Variants in FGF14 observed in about 807,000 individuals in gnomAD.
FGF14 encodes the protein fibroblast growth factor 14.
Under a neutral mutation model 25.5 loss-of-function variants are expected in FGF14, and 5 were observed. The ratio of observed to expected loss-of-function variants is 0.20; its 90% CI spans 0.10 to 0.41. The LOEUF is 0.41. Ranked by LOEUF, FGF14 falls within the 10% of genes least tolerant of loss-of-function variation. The probability of loss-of-function intolerance (pLI) is 1.00; values close to 1 mark genes in which losing one functional copy is unlikely to be tolerated. For missense variants in FGF14, 222 were observed against 320.1 expected, an observed-to-expected ratio of 0.69 and a Z score of 2.34; for synonymous variants, 138 against 118.3, an observed-to-expected ratio of 1.17 and a Z score of -1.08.
intron 1 of FGF14, among the ~76,000 whole-genome samples, chr13:102,118,275 ATT>A (rs1441404989): frequency 2.6e-5 from 4 of 152,030 alleles, no homozygotes; most frequent in African/African-American, 7.2e-5. Context: ...AAATAAATAT[ATT>A]GTTATTAGGA....
intron 1 of FGF14, among the ~76,000 whole-genome samples, chr13:101,934,854 A>G (rs2034997648): frequency 6.6e-6 from 1 of 152,170 alleles, no homozygotes; most frequent in South Asian, 2.1e-4. Context: ...TCCCACTGTT[A>G]CAAAGGAAAC....
At chr13:102,140,051 C>G (rs947595238) in intron 1 of FGF14, among the ~76,000 whole-genome samples, 5 of 144,364 alleles carry the variant, frequency 3.5e-5, no homozygotes, top group Admixed American at 6.9e-5. Flanking sequence ...AGACCCCCCC[C>G]CCCCCTTACA....
chr13:102,217,966 A>C (rs1214784280), intron 1 of FGF14, among the ~76,000 whole-genome samples: 2 of 152,180 alleles, frequency 1.3e-5, no homozygotes, highest in Non-Finnish European at 2.9e-5. Flanking sequence ...AAAAATATGC[A>C]CATATATTTA....
At chr13:102,178,602 C>T (rs114233499) in intron 1 of FGF14, among the ~76,000 whole-genome samples, 114 of 152,078 alleles carry the variant, frequency 7.5e-4, no homozygotes, top group African/African-American at 2.6e-3. Flanking sequence ...CACGTGTACA[C>T]GTTATTTAGC....
At chr13:102,048,412 T>C (rs984961563) in intron 1 of FGF14, among the ~76,000 whole-genome samples, 9 of 152,188 alleles carry the variant, frequency 5.9e-5, no homozygotes, top group Admixed American at 5.9e-4. Flanking sequence ...GTAACTATCA[T>C]TTTTTGTTAC....
intron 1 of FGF14, among the ~76,000 whole-genome samples, chr13:102,085,426 T>C (rs1254019479): frequency 1.1e-4 from 17 of 152,230 alleles, no homozygotes. Flanking sequence ...TTTAGCAATT[T>C]AAATTTTTAT....
At chr13:101,870,975 A>ATAC (rs373047105) in intron 2 of FGF14, among the ~76,000 whole-genome samples, 65 of 150,490 alleles carry the variant, frequency 4.3e-4, no homozygotes, top group African/African-American at 1.5e-3. Context: ...TAAATAAATA[A>ATAC]ATACATACAT....
At chr13:102,153,957 T>C (rs934154287) in intron 1 of FGF14, among the ~76,000 whole-genome samples, 26 of 152,248 alleles carry the variant, frequency 1.7e-4, no homozygotes, top group African/African-American at 6.0e-4. Context: ...TGTTCTTCTC[T>C]CTATTGTAGC....
intron 1 of FGF14, among the ~76,000 whole-genome samples, chr13:102,383,320 T>C (rs1273786055): frequency 1.3e-5 from 2 of 152,144 alleles, no homozygotes; most frequent in Non-Finnish European, 2.9e-5. Flanking sequence ...ATTAGACAAA[T>C]ATGTTTATTT....
At chr13:101,725,944 T>C (rs1397499396) in intron 4 of FGF14, among the ~76,000 whole-genome samples, 9 of 152,044 alleles carry the variant, frequency 5.9e-5, no homozygotes, top group Non-Finnish European at 1.3e-4. Flanking sequence ...CTGATTGGAG[T>C]AAATGTGAAA....
At chr13:101,988,992 G>C (rs1458796016) in intron 1 of FGF14, among the ~76,000 whole-genome samples, 1 of 151,958 alleles carries the variant, frequency 6.6e-6, no homozygotes, top group Non-Finnish European at 1.5e-5. Context: ...TTAAGGATCT[G>C]GAGGTGTCAC....
Position 101,951,301 on chromosome 13 carries a change from G to A in FGF14, c.209-76005C>T, listed in dbSNP as rs753269206. Among the ~76,000 whole-genome samples, 69 of 152,106 alleles carry A rather than the reference G, an allele frequency of 4.5e-4. 1 individual carries two copies. The highest frequency in any genetic ancestry group is 1.6e-4 in the Non-Finnish European group (11 of 67,984). On this transcript the variant is annotated intron_variant, in intron 1 of 4. Transcript: ENST00000376131. The stretch of plus-strand genomic sequence containing the variant: ...ATGAAAGAGGTATTATTAGCAATAC[G>A]GGCACAAGTTCAGAGGTTTTACCAG...
chr13:102,030,144 AC>A (rs1433421148), intron 1 of FGF14, among the ~76,000 whole-genome samples: 1 of 152,122 alleles, frequency 6.6e-6, no homozygotes. Context: ...CCAAATTCCT[AC>A]AAACAATGAC....
rs1219646571 is a variant in FGF14, at chr13:101,875,077, A to G, written c.304+109T>C. 6.4e-6 allele frequency: 5 copies of G among 780,768 alleles called. No individual in the cohort carries two copies. The East Asian group carries it at 1.0e-4, about 16-fold the overall frequency. 48.4% of individuals were successfully genotyped at this position (780,768 alleles called of 1,614,324 possible). A position where few individuals can be genotyped will look rare whatever the true frequency, so the allele number is the denominator to read the frequency against. On this transcript the variant is annotated intron_variant, in intron 2 of 4. Coordinates refer to ENST00000376143, the MANE Select transcript of FGF14 (RefSeq NM_004115.4). ...GGCATCCTAGTGTGTAACATTTGTA[A>G]AGATGAACCAACACGACCAAACATT...
At chr13:101,762,664 T>C (rs1229747585) in intron 3 of FGF14, among the ~76,000 whole-genome samples, 1 of 152,206 alleles carries the variant, frequency 6.6e-6, no homozygotes, top group Admixed American at 6.5e-5. Context: ...AATGCTCCCT[T>C]AGTTGAATGG....
At chr13:101,999,801 G>A (rs61966478) in intron 1 of FGF14, among the ~76,000 whole-genome samples, 4,034 of 152,122 alleles carry the variant, frequency 0.027, 66 homozygotes, top group Middle Eastern at 0.075. Flanking sequence ...GAAGTGCCAG[G>A]CCCTTATCTT....
intron 3 of FGF14, among the ~76,000 whole-genome samples, chr13:101,857,130 G>T (rs1442317598): frequency 2.0e-5 from 3 of 151,944 alleles, no homozygotes; most frequent in Non-Finnish European, 4.4e-5. Flanking sequence ...AATTTATTGG[G>T]TTAGTACCAT....
intron 1 of FGF14, among the ~76,000 whole-genome samples, chr13:101,960,731 C>T (rs191231215): frequency 7.2e-5 from 11 of 152,196 alleles, no homozygotes; most frequent in East Asian, 3.9e-4. Context: ...CCAGGTCAAA[C>T]GGTATTTCTG....
chr13:102,212,625 T>G (rs2050208782), intron 1 of FGF14, among the ~76,000 whole-genome samples: 1 of 152,214 alleles, frequency 6.6e-6, no homozygotes, highest in African/African-American at 2.4e-5. Flanking sequence ...TGGGCACAGC[T>G]TTGGAAATAT....
Sources: gnomAD v4.1 joint callset for allele counts (sites outside exome capture counted in the v4.1 genomes callset) on GRCh38, gnomAD v4.1.1 for gene constraint, MANE v1.5 for transcripts, NCBI Gene and HGNC (gene_info 2026-07-23, HGNC 2026-07-21) for gene names.